The following NTNG1 variants were observed in gnomAD, a reference collection of about 807,000 sequenced individuals.
NTNG1 encodes the protein netrin G1, also known as netrin-G1.
NTNG1 carries 16 observed loss-of-function variants against 54.0 expected under a neutral mutation model. The ratio of observed to expected loss-of-function variants is 0.30; its 90% CI spans 0.20 to 0.45. The LOEUF (loss-of-function observed/expected upper bound fraction) is 0.45. Ranked by LOEUF, NTNG1 falls within the 20% of genes least tolerant of loss-of-function variation. The pLI, the probability that NTNG1 is intolerant of heterozygous loss-of-function variation, is 1.00. For synonymous variants in NTNG1, 255 were observed against 263.1 expected, an observed-to-expected ratio of 0.97 and a Z score of 0.30; for missense variants, 530 against 678.7, an observed-to-expected ratio of 0.78 and a Z score of 2.43.
chr1:107,335,822 A>C (rs1274901110), intron 3 of NTNG1, among the ~76,000 whole-genome samples: 1 of 151,982 alleles, frequency 6.6e-6, no homozygotes, highest in African/African-American at 2.4e-5. Flanking sequence ...TTAAGAAAAC[A>C]ATTCCATTTA....
intron 3 of NTNG1, among the ~76,000 whole-genome samples, chr1:107,375,124 C>G (rs1418936095): frequency 6.6e-6 from 1 of 152,190 alleles, no homozygotes; most frequent in Non-Finnish European, 1.5e-5. Context: ...AACAAGTACT[C>G]TGCTAAATCG....
intron 3 of NTNG1, among the ~76,000 whole-genome samples, chr1:107,374,117 T>C (rs748912743): frequency 6.6e-6 from 1 of 152,218 alleles, no homozygotes; most frequent in African/African-American, 2.4e-5. Context: ...ACTTGGATTG[T>C]TTTCAAAAAG....
chr1:107,447,583 G>A (rs932038351), intron 7 of NTNG1, among the ~76,000 whole-genome samples: 38 of 152,218 alleles, frequency 2.5e-4, no homozygotes, highest in Middle Eastern at 3.4e-3. Context: ...ATCAGGCCTC[G>A]AAATTTCTGA....
chr1:107,344,890 A>G (rs17018808), intron 3 of NTNG1, among the ~76,000 whole-genome samples: 14,871 of 152,178 alleles, frequency 0.098, 852 homozygotes, highest in East Asian at 0.16. Context: ...TTTACAGTGT[A>G]GCAATCTGCT....
In NTNG1 at chr1:107,482,087, A is replaced by T. The variant is rs1678762740; in HGVS notation, c.*1247A>T. 6.6e-6 allele frequency: 1 copy of T among 150,750 alleles called. No homozygotes were observed. The highest frequency in any genetic ancestry group is 2.4e-5 in the African/African-American group (1 of 40,872). The allele number at this position is 150,750 out of a possible 1,614,324, so 9.3% of individuals were successfully genotyped here. On this transcript the variant is annotated 3_prime_UTR_variant, in exon 8 of 8. Coordinates refer to ENST00000370068, the MANE Select transcript of NTNG1 (RefSeq NM_001113226.3). ...AAAAAAAAAAAAAAAAAAAAATCTA[A>T]GTGATTGCCAAGATTATGCCAAAGC...
intron 7 of NTNG1, among the ~76,000 whole-genome samples, chr1:107,442,791 T>C (rs568319203): frequency 2.0e-5 from 3 of 152,272 alleles, no homozygotes; most frequent in African/African-American, 7.2e-5. Context: ...CCTTCTTTGA[T>C]GAAAGTTTTT....
At position 107,407,706 on chromosome 1, in the gene NTNG1, G is replaced by A. The variant is rs1184252204; in HGVS notation, c.1085G>A (p.Gly362Asp). The change falls in exon 5 of 8, where the codon GGT becomes GAT. Residue 362 changes from glycine to aspartate, a missense_variant and splice_region_variant. Around this residue, in one of 2 missense-constraint regions of NTNG1, gnomAD observed 318 missense variants for 465.1 expected, o/e 0.68. Transcript: ENST00000370068. The stretch of plus-strand genomic sequence containing the variant: ...GGTATCCCCAGTATTTCCAGTATTG[G>A]TAGTAAGTAAAAACAAAAACAAAAA... ...NTCIPSISSI[G>D]NCECFGHSNR... 2.5e-6 allele frequency: 4 copies of A among 1,608,382 alleles called. No homozygotes were observed. The highest frequency in any genetic ancestry group is 3.4e-6 in the Non-Finnish European group (4 of 1,176,664).
intron 2 of NTNG1, among the ~76,000 whole-genome samples, chr1:107,268,352 G>A (rs980018042): frequency 6.6e-6 from 1 of 152,044 alleles, no homozygotes; most frequent in African/African-American, 2.4e-5. Flanking sequence ...CTGTATCACC[G>A]GTTCCAAGGG....
intron 3 of NTNG1, among the ~76,000 whole-genome samples, chr1:107,356,993 ACT>A (rs1669972624): frequency 6.6e-6 from 1 of 152,058 alleles, no homozygotes; most frequent in Non-Finnish European, 1.5e-5. Context: ...ACAAGGTGAG[ACT>A]CTGTCTCAAA....
chr1:107,166,040 A>G (rs764486029), intron 2 of NTNG1, among the ~76,000 whole-genome samples: 11 of 152,216 alleles, frequency 7.2e-5, no homozygotes, highest in Non-Finnish European at 1.6e-4. Context: ...GAAGCTTTAT[A>G]AAGTCAATAA....
At position 107,481,543 on chromosome 1, in the gene NTNG1, A is replaced by G. The variant is rs1192054492; in HGVS notation, c.*703A>G. ...AAAGTGTATCTATCCTTTTGTATTC[A>G]AATGAAGTTATTTTTCTTGAACTAC... On this transcript the variant is annotated 3_prime_UTR_variant, in exon 8 of 8. Coordinates refer to ENST00000370068, the MANE Select transcript of NTNG1 (RefSeq NM_001113226.3). 6.6e-6 allele frequency: 1 copy of G among 152,662 alleles called. No individual in the cohort carries two copies. Among genetic ancestry groups the G allele is most frequent in the Non-Finnish European group, 1.5e-5 (1 of 68,036 alleles). 9.5% of individuals were successfully genotyped at this position (152,662 alleles called of 1,614,324 possible). A position where few individuals can be genotyped will look rare whatever the true frequency, so the allele number is the denominator to read the frequency against.
rs58247179 is a variant in NTNG1, at chr1:107,214,790, A to ATT, written c.246+65962_246+65963dup. ...TCCTTTTCACCACATCCATGCCATCATTTTTTTTTTTTCAATTTTCTGATT... is the reference window on the plus strand; with the variant it reads ...TCCTTTTCACCACATCCATGCCATCATTTTTTTTTTTTTTCAATTTTCTGATT... On this transcript the variant is annotated intron_variant, in intron 2 of 7. Transcript: ENST00000370068. Among the ~76,000 whole-genome samples the ATT allele has an allele frequency of 9.4e-3, 1,384 of 146,512 alleles. 12 individuals are homozygous for ATT. The highest frequency in any genetic ancestry group is 0.032 in the Middle Eastern group (9 of 284).
chr1:107,375,293 T>C (rs182889169), intron 3 of NTNG1, among the ~76,000 whole-genome samples: 1 of 152,356 alleles, frequency 6.6e-6, no homozygotes, highest in African/African-American at 2.4e-5. Context: ...TTCTACACTC[T>C]GGCAAGCTAA....
chr1:107,347,102 C>T (rs182540201), intron 3 of NTNG1, among the ~76,000 whole-genome samples: 2 of 152,046 alleles, frequency 1.3e-5, no homozygotes, highest in East Asian at 3.9e-4. Context: ...ACTTGATGGG[C>T]ATCTTTGTCG....
At chr1:107,264,216 C>G (rs930163246) in intron 2 of NTNG1, among the ~76,000 whole-genome samples, 2 of 152,154 alleles carry the variant, frequency 1.3e-5, no homozygotes, top group Non-Finnish European at 2.9e-5. Flanking sequence ...CCCTCACCAC[C>G]ACCGTTTTTC....
intron 2 of NTNG1, among the ~76,000 whole-genome samples, chr1:107,228,421 T>A (rs72699311): frequency 0.14 from 22,012 of 152,132 alleles, 3,257 homozygotes; most frequent in African/African-American, 0.39. Flanking sequence ...AATTTAGGTT[T>A]TAGTAAACTA....
chr1:107,185,294 G>A (rs958475312), intron 2 of NTNG1, among the ~76,000 whole-genome samples: 1 of 152,200 alleles, frequency 6.6e-6, no homozygotes, highest in African/African-American at 2.4e-5. Flanking sequence ...TGGCAGGACT[G>A]CACTCCCTGT....
chr1:107,220,561 G>A (rs1660272630), intron 2 of NTNG1, among the ~76,000 whole-genome samples: 1 of 152,230 alleles, frequency 6.6e-6, no homozygotes, highest in South Asian at 2.1e-4. Context: ...GATCTCTGAA[G>A]TCTGACTACC....
chr1:107,300,856 C>T (rs555841467), intron 2 of NTNG1, among the ~76,000 whole-genome samples: 4 of 152,164 alleles, frequency 2.6e-5, no homozygotes, highest in Admixed American at 1.3e-4. Flanking sequence ...ATAATATTCA[C>T]GAGAATCCAG....
Sources: gnomAD v4.1 joint callset for allele counts (sites outside exome capture counted in the v4.1 genomes callset) on GRCh38, gnomAD v4.1.1 for gene constraint, gnomAD v4.1.1 regional missense constraint, MANE v1.5 for transcripts, NCBI Gene and HGNC (gene_info 2026-07-23, HGNC 2026-07-21) for gene names.